LIN37: variants seen among roughly 807,000 people sequenced by gnomAD.
The protein encoded by LIN37 is protein lin-37 homolog.
Under a neutral mutation model 38.0 loss-of-function variants are expected in LIN37, and 21 were observed. The ratio of observed to expected loss-of-function variants is 0.55; its 90% CI spans 0.39 to 0.80. LIN37 has a LOEUF of 0.80. LIN37 is among the 30% of genes least tolerant of loss of function. The pLI, the probability that LIN37 is intolerant of heterozygous loss-of-function variation, is 0.00. For synonymous variants in LIN37, 126 were observed against 122.9 expected (o/e 1.03, Z -0.17); for missense variants, 273 against 338.5 (o/e 0.81, Z 1.52).
intron 1 of LIN37, chr19:35,748,997 G>A: frequency 1.5e-6 from 2 of 1,371,808 alleles, no homozygotes; most frequent in Admixed American, 3.0e-5. Flanking sequence ...TAGGACATGG[G>A]GAATCCTGAG....
chr19:35,753,900 C>A (rs1319652620), intron 6 of LIN37, 117 bp from the exon 7 acceptor site: 1 of 1,196,748 alleles, frequency 8.4e-7, no homozygotes, highest in East Asian at 2.4e-5. Flanking sequence ...CTGTCTGAGT[C>A]CCTTAGCGAG....
At chr19:35,749,615 G>T (rs1044686116) in intron 1 of LIN37, among the ~76,000 whole-genome samples, 8 of 145,224 alleles carry the variant, frequency 5.5e-5, no homozygotes, top group African/African-American at 2.1e-4. Context: ...GCAACATAGC[G>T]AAACGCTGTC....
At chr19:35,751,333 T>C (rs572124888) in intron 1 of LIN37, among the ~76,000 whole-genome samples, 21 of 152,070 alleles carry the variant, frequency 1.4e-4, no homozygotes, top group Admixed American at 5.2e-4. Context: ...AAAACAGAAA[T>C]ACATTAATTA....
intron 2 of LIN37, 64 bp downstream of exon 2, chr19:35,752,315 G>A: frequency 1.3e-6 from 2 of 1,576,198 alleles, no homozygotes; most frequent in South Asian, 2.3e-5. Context: ...ATCCTGGGTG[G>A]ATTGGGTGGG....
In LIN37 at chr19:35,748,772, C is replaced by G. The variant is rs1251036532; in HGVS notation, c.34+14C>G. On this transcript the variant is annotated intron_variant, in intron 1 of 8. Coordinates refer to ENST00000301159, the MANE Select transcript of LIN37 (RefSeq NM_019104.3). Reference sequence around the variant, plus strand: ...TGGAGAAATCAGGTGAGGACCCTGACGTCGGGGGCCTGTCGGGACCATCGG... The same window carrying G: ...TGGAGAAATCAGGTGAGGACCCTGAGGTCGGGGGCCTGTCGGGACCATCGG... The G allele has an allele frequency of 6.2e-7, 1 of 1,613,780 alleles. No homozygotes were observed. Among genetic ancestry groups the G allele is most frequent in the South Asian group, 1.1e-5 (1 of 91,072 alleles).
At position 35,749,835 on chromosome 19, in the gene LIN37, G is replaced by GA. The variant is rs1359678108; in HGVS notation, c.34+1080dup. ...AAAAAAAAAAGAAAGGAAAAGAAAA[G>GA]AAAGAAAGAAAAGAGAAGTGGGTGT... On this transcript the variant is annotated intron_variant, in intron 1 of 8. Transcript: ENST00000301159. Among the ~76,000 whole-genome samples the GA allele has an allele frequency of 3.2e-4, 49 of 151,254 alleles. 1 individual carries two copies. The highest frequency in any genetic ancestry group is 1.1e-3 in the African/African-American group (47 of 41,202).
At position 35,748,646 on chromosome 19, in the gene LIN37, G is replaced by T. The variant is rs955619285; in HGVS notation, c.-79G>T. 1.0e-5 allele frequency: 16 copies of T among 1,595,174 alleles called. No homozygotes were observed. The highest frequency in any genetic ancestry group is 1.7e-4 in the Middle Eastern group (1 of 6,036). On this transcript the variant is annotated 5_prime_UTR_variant, in exon 1 of 9. Transcript: ENST00000301159. ...CGAAGCTCATCTTTGAACTGTCCCCGCCTTCTCCCGCCTTGACTTGTGACC... is the reference window on the plus strand; with the variant it reads ...CGAAGCTCATCTTTGAACTGTCCCCTCCTTCTCCCGCCTTGACTTGTGACC...
chr19:35,749,819 AG>A (rs1440610914), intron 1 of LIN37, among the ~76,000 whole-genome samples: 8 of 146,110 alleles, frequency 5.5e-5, no homozygotes, highest in African/African-American at 2.0e-4. Context: ...AAAAAAAAAA[AG>A]AAAGGAAAAG....
At position 35,754,078 on chromosome 19, in the gene LIN37, C is replaced by T. The variant is rs1030391019; in HGVS notation, c.506C>T (p.Pro169Leu). ...DVYKLPPPTPPGPPGDACRSR... is the reference protein window; with the variant it reads ...DVYKLPPPTPLGPPGDACRSR... ...TACAAGCTGCCGCCACCCACACCCC[C>T]GGGGCCACCCGGAGATGCCTGCAGA... The change falls in exon 7 of 9, where the codon CCG becomes CTG. Residue 169 changes from proline to leucine, a missense_variant. Pro to Leu is a moderately conservative substitution (Grantham distance 98). Coordinates refer to ENST00000301159, the MANE Select transcript of LIN37 (RefSeq NM_019104.3). 6.2e-6 allele frequency: 10 copies of T among 1,613,930 alleles called. No homozygotes were observed. The highest frequency in any genetic ancestry group is 4.0e-5 in the African/African-American group (3 of 75,056).
chr19:35,753,414 G>C, intron 6 of LIN37, 161 bp downstream of exon 6: 1 of 889,336 alleles, frequency 1.1e-6, no homozygotes, highest in Non-Finnish European at 1.8e-6. Context: ...CTTAGGTTGG[G>C]GTGTGGATCA....
intron 1 of LIN37, among the ~76,000 whole-genome samples, chr19:35,749,360 A>G (rs1970648694): frequency 6.6e-6 from 1 of 152,192 alleles, no homozygotes; most frequent in African/African-American, 2.4e-5. Flanking sequence ...AAGCTTAGAA[A>G]GAGGAGAGAA....
intron 1 of LIN37, among the ~76,000 whole-genome samples, chr19:35,750,858 G>A (rs979459950): frequency 2.0e-5 from 3 of 152,094 alleles, no homozygotes; most frequent in Non-Finnish European, 4.4e-5. Flanking sequence ...TTCTTTGGGA[G>A]GCTGAGGCAG....
At chr19:35,749,639 C>CAAA (rs58819437) in intron 1 of LIN37, among the ~76,000 whole-genome samples, 3 of 122,950 alleles carry the variant, frequency 2.4e-5, no homozygotes, top group African/African-American at 5.8e-5. Flanking sequence ...ATAAAAAATA[C>CAAA]AAAAAAAAAA....
intron 1 of LIN37, among the ~76,000 whole-genome samples, chr19:35,750,918 G>A (rs772785062): frequency 1.3e-5 from 2 of 151,818 alleles, no homozygotes; most frequent in Non-Finnish European, 1.5e-5. Flanking sequence ...CCGAGATCAC[G>A]CCACTGCACT....
intron 1 of LIN37, 173 bp downstream of exon 1, chr19:35,748,931 T>G: frequency 6.6e-7 from 1 of 1,510,706 alleles, no homozygotes; most frequent in Non-Finnish European, 8.9e-7. Flanking sequence ...CCTCCCGGTG[T>G]GCGCTTGAAG....
chr19:35,749,552 G>A (rs1970652016), intron 1 of LIN37, among the ~76,000 whole-genome samples: 1 of 151,880 alleles, frequency 6.6e-6, no homozygotes, highest in South Asian at 2.1e-4. Flanking sequence ...CCAACACTTT[G>A]GGAGGCCGAG....
rs1568402195 is a variant in LIN37 at position 35,752,264 on chromosome 19, G to T, written c.110+13G>T. The T allele has an allele frequency of 1.9e-6, 3 of 1,600,986 alleles. No homozygotes were observed. The highest frequency in any genetic ancestry group is 1.1e-5 in the South Asian group (1 of 89,184). On this transcript the variant is annotated intron_variant, in intron 2 of 8. Coordinates refer to ENST00000301159, the MANE Select transcript of LIN37 (RefSeq NM_019104.3). ...GTCACATGGACAGGTAGGCCAGCGTGGGGTCACAGGGCCGGGCACCCTGGT... is the reference window on the plus strand; with the variant it reads ...GTCACATGGACAGGTAGGCCAGCGTTGGGTCACAGGGCCGGGCACCCTGGT...
Position 35,754,403 on chromosome 19 carries a change from G to A in LIN37, c.670G>A (p.Ala224Thr). ...WKRIRQRWKEASHRNQLRYSE... is the reference protein window; with the variant it reads ...WKRIRQRWKETSHRNQLRYSE... ...CCTCTGCCTCCCCAGGTGGAAGGAG[G>A]CCTCTCATCGGAACCAGCTTCGTTA... The change falls in exon 9 of 9, where the codon GCC (alanine) becomes ACC (threonine). Residue 224 changes from alanine (A) to threonine (T), a missense_variant. Physicochemically the swap from Ala to Thr is moderately conservative, Grantham distance 58. Transcript: ENST00000301159. 1 of 1,614,020 alleles carries A rather than the reference G, an allele frequency of 6.2e-7. No individual in the cohort carries two copies. The highest frequency in any genetic ancestry group is 8.5e-7 in the Non-Finnish European group (1 of 1,179,894).
At chr19:35,752,681 A>G in intron 3 of LIN37, 123 bp from the exon 4 acceptor site, 1 of 1,407,160 alleles carries the variant, frequency 7.1e-7, no homozygotes, top group Non-Finnish European at 9.8e-7. Flanking sequence ...GGGTGGGACA[A>G]AAGGCCCAAG....
Sources: gnomAD v4.1 joint callset for allele counts (sites outside exome capture counted in the v4.1 genomes callset) on GRCh38, gnomAD v4.1.1 for gene constraint, MANE v1.5 for transcripts, NCBI Gene and HGNC (gene_info 2026-07-23, HGNC 2026-07-21) for gene names.